EDEM3: variants seen among roughly 807,000 people sequenced by gnomAD.
EDEM3 encodes ER degradation enhancing alpha-mannosidase like protein 3, also known as ER degradation-enhancing alpha-mannosidase-like protein 3.
A neutral mutation model predicts 110.2 loss-of-function variants in EDEM3; 60 were observed. The ratio of observed to expected loss-of-function variants is 0.54; its 90% CI spans 0.44 to 0.67. The LOEUF (loss-of-function observed/expected upper bound fraction) is 0.67. Ranked by LOEUF, EDEM3 falls within the 30% of genes least tolerant of loss-of-function variation. The pLI is 0.00. For synonymous variants in EDEM3, 352 were observed against 382.9 expected (o/e 0.92, Z 0.94); for missense variants, 996 against 1,121.0 (o/e 0.89, Z 1.59).
At chr1:184,726,201 T>C (rs1020857976) in intron 7 of EDEM3, 54 bp downstream of exon 7, 15 of 1,580,572 alleles carry the variant, frequency 9.5e-6, no homozygotes, top group Middle Eastern at 1.7e-4. Context: ...ATGAAGAAGA[T>C]ATAAAGGTAG....
chr1:184,701,370 T>G (rs1649608909), intron 19 of EDEM3: 2 of 339,166 alleles, frequency 5.9e-6, no homozygotes, highest in Admixed American at 1.1e-4. Flanking sequence ...ATAATCTAAT[T>G]ACGTTACACA....
At chr1:184,752,114 T>C (rs888161351) in intron 1 of EDEM3, among the ~76,000 whole-genome samples, 1 of 152,242 alleles carries the variant, frequency 6.6e-6, no homozygotes, top group African/African-American at 2.4e-5. Flanking sequence ...GATTGTTTTC[T>C]ACTTCATTTT....
chr1:184,718,818 T>C (rs946711464), intron 11 of EDEM3, among the ~76,000 whole-genome samples: 6 of 152,118 alleles, frequency 3.9e-5, no homozygotes, highest in African/African-American at 1.4e-4. Flanking sequence ...AAAATCTCCC[T>C]AGCTGGTAGG....
intron 18 of EDEM3, among the ~76,000 whole-genome samples, chr1:184,705,444 A>C (rs1649862603): frequency 6.6e-6 from 1 of 152,190 alleles, no homozygotes; most frequent in African/African-American, 2.4e-5. Flanking sequence ...TGCAGTTCAA[A>C]GCAGTCATAG....
intron 1 of EDEM3, among the ~76,000 whole-genome samples, chr1:184,750,490 C>T (rs190542035): frequency 6.6e-6 from 1 of 151,134 alleles, no homozygotes; most frequent in Admixed American, 6.6e-5. Flanking sequence ...AAGGAAAACA[C>T]AGCTTAACAA....
intron 1 of EDEM3, 96 bp from the exon 2 acceptor site, chr1:184,749,688 A>G: frequency 9.5e-7 from 1 of 1,051,438 alleles, no homozygotes; most frequent in South Asian, 1.7e-5. Context: ...CTCATAAAAA[A>G]TATACCAATA....
intron 6 of EDEM3, among the ~76,000 whole-genome samples, chr1:184,731,384 C>T (rs1261504708): frequency 6.6e-6 from 1 of 152,196 alleles, no homozygotes; most frequent in East Asian, 1.9e-4. Flanking sequence ...ATAAGTGGTT[C>T]ATTCCTATTT....
intron 19 of EDEM3, among the ~76,000 whole-genome samples, chr1:184,695,596 C>T (rs554918229): frequency 6.6e-6 from 1 of 151,736 alleles, no homozygotes; most frequent in Non-Finnish European, 1.5e-5. Context: ...AGAATAATGA[C>T]AAGAAAAAAA....
intron 2 of EDEM3, among the ~76,000 whole-genome samples, chr1:184,749,163 T>C (rs1032820504): frequency 1.2e-4 from 19 of 152,186 alleles, no homozygotes; most frequent in African/African-American, 3.9e-4. Context: ...AATTTCTCTT[T>C]TAAGCAATGG....
chr1:184,712,530 A>C lies in EDEM3; in HGVS notation c.1439T>G (p.Ile480Ser), dbSNP rs756751600. Residue 480 changes from isoleucine to serine, a missense_variant, in exon 14 of 20, where the codon ATT becomes AGT. By Grantham distance (142) the Ile-to-Ser change is moderately radical. Transcript: ENST00000318130. ...LYLLFADKEDIIFDIEDYIFT... is the reference protein window; with the variant it reads ...LYLLFADKEDSIFDIEDYIFT... ...GATGTAATCTTCTATGTCAAAAATA[A>C]TGTCTTCTTTATCAGCAAATAACAG... is the stretch of plus-strand genomic sequence containing the variant. The C allele has an allele frequency of 3.7e-6, 6 of 1,600,552 alleles. No individual in the cohort carries two copies. The highest frequency in any genetic ancestry group is 5.1e-6 in the Non-Finnish European group (6 of 1,172,100).
chr1:184,720,317 T>C (rs978075763), intron 9 of EDEM3, among the ~76,000 whole-genome samples: 14 of 152,228 alleles, frequency 9.2e-5, no homozygotes, highest in African/African-American at 3.1e-4. Context: ...TTATTGAATA[T>C]TGGCCATAGG....
chr1:184,754,530 C>G lies in EDEM3; in HGVS notation c.117G>C (p.Ala39=). ...CCTCCCTACTCATGGGCTCGGCCCC[C>G]GCCGTCCACACGGAGGTGGCCGACA... ...CLVSATSVWT[A]GAEPMSREEK... Residue 39 remains alanine (A), a synonymous_variant, in exon 1 of 20, where the codon GCG becomes GCC. Transcript: ENST00000318130. The G allele has an allele frequency of 6.2e-7, 1 of 1,613,252 alleles. No individual in the cohort carries two copies. The highest frequency in any genetic ancestry group is 8.5e-7 in the Non-Finnish European group (1 of 1,179,832).
Position 184,694,307 on chromosome 1 carries a change from A to C in EDEM3, c.2555T>G (p.Met852Arg), listed in dbSNP as rs765123596. 1.9e-6 allele frequency: 3 copies of C among 1,613,290 alleles called. No individual in the cohort carries two copies. In the East Asian group the frequency reaches 6.7e-5, roughly 36 times the overall value. The change falls in exon 20 of 20, where the codon ATG (methionine) becomes AGG (arginine). Residue 852 changes from methionine (M) to arginine (R), a missense_variant. Physicochemically the swap from Met to Arg is moderately conservative, Grantham distance 91. Around this residue, in one of 5 missense-constraint regions of EDEM3, gnomAD observed 345 missense variants for 402.0 expected, o/e 0.86. Coordinates refer to ENST00000318130, the MANE Select transcript of EDEM3 (RefSeq NM_025191.4). Reference protein sequence around the residue: ...SHPESLSLADMDNAASISPSE... With the variant: ...SHPESLSLADRDNAASISPSE... ...AGGGGAAATGCTTGCAGCATTGTCCATATCTGCTAGAGATAATGATTCTGG... is the reference window on the plus strand; with the variant it reads ...AGGGGAAATGCTTGCAGCATTGTCCCTATCTGCTAGAGATAATGATTCTGG...
At chr1:184,720,492 C>T (rs1302677998) in intron 9 of EDEM3, 3 of 150,034 alleles carry the variant, frequency 2.0e-5, no homozygotes, top group Non-Finnish European at 4.4e-5. Context: ...AGAATTTAAA[C>T]CAGTACATCT....
intron 8 of EDEM3, 104 bp downstream of exon 8, chr1:184,723,647 A>G (rs1253556835): frequency 3.1e-6 from 3 of 952,662 alleles, no homozygotes; most frequent in Non-Finnish European, 4.7e-6. Flanking sequence ...GTGAGAACCT[A>G]TGCTTTATAG....
intron 2 of EDEM3, among the ~76,000 whole-genome samples, chr1:184,748,474 C>CA (rs992640189): frequency 6.7e-6 from 1 of 149,352 alleles, no homozygotes; most frequent in Non-Finnish European, 1.5e-5. Flanking sequence ...AAACAAAAAA[C>CA]AAAAAAAACA....
At chr1:184,732,756 C>T in intron 6 of EDEM3, 81 bp downstream of exon 6, 8 of 1,391,232 alleles carry the variant, frequency 5.8e-6, no homozygotes, top group Non-Finnish European at 7.7e-6. Flanking sequence ...TGGTGAAGAA[C>T]AATGGCTCTG....
chr1:184,754,798 C>T lies in EDEM3; in HGVS notation c.-152G>A. The T allele has an allele frequency of 1.6e-6, 2 of 1,273,248 alleles. No homozygotes were observed. Among genetic ancestry groups the T allele is most frequent in the Non-Finnish European group, 2.1e-6 (2 of 974,180 alleles). 78.9% of individuals were successfully genotyped at this position (1,273,248 alleles called of 1,614,324 possible). On this transcript the variant is annotated 5_prime_UTR_variant, in exon 1 of 20. Coordinates refer to ENST00000318130, the MANE Select transcript of EDEM3 (RefSeq NM_025191.4). ...GCCGGCGCCAAACTGTTTCCCGAAG[C>T]CACCAAGCCGGTCCCCAGCGCCAGC...
intron 8 of EDEM3, among the ~76,000 whole-genome samples, chr1:184,721,655 T>G (rs1268421014): frequency 4.6e-5 from 7 of 152,002 alleles, no homozygotes; most frequent in African/African-American, 1.7e-4. Context: ...AATAGTAAAT[T>G]CACTTAAATC....
Sources: allele counts gnomAD v4.1 joint callset (sites outside exome capture counted in the v4.1 genomes callset), GRCh38; gene constraint gnomAD v4.1.1; regional missense constraint gnomAD v4.1.1; transcripts MANE v1.5; gene names NCBI Gene and HGNC (gene_info 2026-07-23, HGNC 2026-07-21).